CFAP70: variants seen among roughly 807,000 people sequenced by gnomAD.
The protein encoded by CFAP70 is cilia- and flagella-associated protein 70.
A neutral mutation model predicts 137.6 loss-of-function variants in CFAP70; 81 were observed. That is an observed-to-expected ratio of 0.59 (90% CI 0.49 to 0.71). The LOEUF (loss-of-function observed/expected upper bound fraction) is 0.71. Ranked by LOEUF, CFAP70 falls within the 30% of genes least tolerant of loss-of-function variation. The pLI is 0.00. For synonymous variants in CFAP70, 382 were observed against 423.6 expected (o/e 0.90, Z 1.20); for missense variants, 976 against 1,226.7 (o/e 0.80, Z 3.05).
At chr10:73,284,739 C>CCTATATAT in intron 19 of CFAP70, among the ~76,000 whole-genome samples, 1 of 27,502 alleles carries the variant, frequency 3.6e-5, no homozygotes, top group East Asian at 2.9e-3. Context: ...TGACCTGCCA[C>CCTATATAT]ATATATATAT....
intron 9 of CFAP70, among the ~76,000 whole-genome samples, chr10:73,315,046 T>C (rs1007255787): frequency 6.6e-6 from 1 of 151,954 alleles, no homozygotes; most frequent in African/African-American, 2.4e-5. Context: ...AGACTGTCTC[T>C]ACAAAAAAAA....
chr10:73,256,382 T>A, exon 26 of CFAP70: 1 of 1,614,168 alleles, frequency 6.2e-7, no homozygotes, highest in Non-Finnish European at 8.5e-7. Flanking sequence ...GATCATGTAC[T>A]TGTAGGCCTG....
chr10:73,297,281 C>A, intron 14 of CFAP70, 108 bp from the exon 16 acceptor site: 8 of 1,168,502 alleles, frequency 6.8e-6, no homozygotes, highest in Non-Finnish European at 9.3e-6. Context: ...TTTCAGAAAG[C>A]GATTGATTTC....
rs933181196 is a variant in CFAP70, at chr10:73,299,534, T to C, written c.1317+71A>G. 4.0e-6 allele frequency: 5 copies of C among 1,248,078 alleles called. No homozygotes were observed. In the African/African-American group the frequency reaches 6.0e-5, roughly 15 times the overall value. 77.3% of individuals were successfully genotyped at this position (1,248,078 alleles called of 1,614,324 possible). A position where few individuals can be genotyped will look rare whatever the true frequency, so the allele number is the denominator to read the frequency against. On this transcript the variant is annotated intron_variant, in intron 13 of 26. Transcript: ENST00000310715. ...CCCTTCTGGAAGACATATTAAAGAG[T>C]CCATGCAATTAACAAGTGCATGCAC...
intron 12 of CFAP70, among the ~76,000 whole-genome samples, chr10:73,305,052 C>A (rs905706685): frequency 1.3e-5 from 2 of 152,192 alleles, no homozygotes; most frequent in African/African-American, 4.8e-5. Context: ...TCAAAGGTGG[C>A]AGCCTGGATT....
chr10:73,307,933 T>G (rs2049529603), intron 12 of CFAP70, among the ~76,000 whole-genome samples: 1 of 146,970 alleles, frequency 6.8e-6, no homozygotes, highest in Non-Finnish European at 1.5e-5. Flanking sequence ...TTGCCTGAGC[T>G]CAGGAGTTCA....
At position 73,311,953 on chromosome 10, in the gene CFAP70, A is replaced by G. The variant is rs375814281; in HGVS notation, c.1084-39T>C. The G allele has an allele frequency of 2.8e-6, 4 of 1,454,114 alleles. No individual in the cohort carries two copies. The African/African-American group carries it at 5.6e-5, about 20-fold the overall frequency. The allele number at this position is 1,454,114 out of a possible 1,614,324, so 90.1% of individuals were successfully genotyped here. ...AACACACCTCAAAAATTGAATTCCT[A>G]CACAGTCTTCATAGTGACAAGAACA... On this transcript the variant is annotated intron_variant, in intron 10 of 26. Coordinates refer to ENST00000310715, the Ensembl canonical transcript of CFAP70.
At position 73,333,545 on chromosome 10, in the gene CFAP70, G is replaced by C. The variant is rs76596512; in HGVS notation, c.677+1885C>G. Among the ~76,000 whole-genome samples, 1,337 of 152,064 alleles carry C rather than the reference G, an allele frequency of 8.8e-3. 32 individuals carry two copies. Among genetic ancestry groups the C allele is most frequent in the African/African-American group, 0.03 (1,247 of 41,502 alleles). On this transcript the variant is annotated intron_variant, in intron 7 of 26. Transcript: ENST00000310715. ...TTTACCTACAGAAGAACAAGGATTAGAAATACATTGGACTTCTCTTCAGAA... is the reference window on the plus strand; with the variant it reads ...TTTACCTACAGAAGAACAAGGATTACAAATACATTGGACTTCTCTTCAGAA...
intron 6 of CFAP70, among the ~76,000 whole-genome samples, chr10:73,336,036 G>A (rs902198786): frequency 2.0e-5 from 3 of 151,606 alleles, no homozygotes; most frequent in Non-Finnish European, 4.4e-5. Context: ...AGCTACTCAC[G>A]AGGCTGAGGC....
chr10:73,348,274 G>T, intron 4 of CFAP70, 39 bp from the exon 5 acceptor site: 3 of 1,604,268 alleles, frequency 1.9e-6, no homozygotes, highest in Non-Finnish European at 2.6e-6. Flanking sequence ...AGAAGAAAGG[G>T]TTAAGTTGGG....
intron 24 of CFAP70, among the ~76,000 whole-genome samples, chr10:73,271,107 C>T (rs543001999): frequency 3.9e-5 from 6 of 152,276 alleles, no homozygotes; most frequent in African/African-American, 1.4e-4. Context: ...TTGCAATGAG[C>T]TGAGATTGAG....
intron 4 of CFAP70, 30 bp downstream of exon 5, chr10:73,348,126 T>G: frequency 6.3e-7 from 1 of 1,598,490 alleles, no homozygotes; most frequent in Non-Finnish European, 8.6e-7. Context: ...AATGGCAGGC[T>G]GAAATGTTGA....
chr10:73,282,633 T>TC (rs200073081), intron 19 of CFAP70, among the ~76,000 whole-genome samples: 15,968 of 151,932 alleles, frequency 0.11, 1,202 homozygotes, highest in East Asian at 0.3. Flanking sequence ...ACTCCTGACC[T>TC]AGGATGATCT....
intron 9 of CFAP70, among the ~76,000 whole-genome samples, chr10:73,321,987 T>C (rs2050899141): frequency 6.6e-6 from 1 of 152,184 alleles, no homozygotes; most frequent in Non-Finnish European, 1.5e-5. Flanking sequence ...TTTTGCCATG[T>C]TGGCCAGGCT....
In CFAP70 at chr10:73,280,724, CCTT is replaced by C. The variant is rs1219160522; in HGVS notation, c.2240-2390_2240-2388del. Among the ~76,000 whole-genome samples, 3 of 152,128 alleles carry C rather than the reference CCTT, an allele frequency of 2.0e-5. No individual in the cohort carries two copies. In the East Asian group the frequency reaches 5.8e-4, roughly 29 times the overall value. ...TGGCATTAAGTTGTTAATAACTTCT[CCTT>C]ATTAACTTTTTAATATTTATAAGAT... On this transcript the variant is annotated intron_variant, in intron 19 of 26. Coordinates refer to ENST00000310715, the Ensembl canonical transcript of CFAP70.
chr10:73,330,590 T>A (rs2051974800), intron 8 of CFAP70, among the ~76,000 whole-genome samples: 1 of 152,106 alleles, frequency 6.6e-6, no homozygotes, highest in African/African-American at 2.4e-5. Flanking sequence ...AAAGCCTATG[T>A]TTAAAGTCAG....
intron 7 of CFAP70, among the ~76,000 whole-genome samples, chr10:73,332,902 A>G (rs2052262688): frequency 6.6e-6 from 1 of 152,250 alleles, no homozygotes; most frequent in Non-Finnish European, 1.5e-5. Context: ...GGCAAGAAAA[A>G]ATATAGTCCA....
intron 9 of CFAP70, among the ~76,000 whole-genome samples, chr10:73,316,465 T>G (rs983728582): frequency 4.4e-5 from 5 of 114,488 alleles, no homozygotes; most frequent in Admixed American, 1.7e-4. Context: ...TTTGTTGAGA[T>G]ATATATATAT....
chr10:73,329,713 T>G lies in CFAP70; in HGVS notation c.777+1464A>C, dbSNP rs568559236. Among the ~76,000 whole-genome samples, 365 of 152,320 alleles carry G rather than the reference T, an allele frequency of 2.4e-3. 1 individual carries two copies. The highest frequency in any genetic ancestry group is 5.4e-3 in the South Asian group (26 of 4,822). On this transcript the variant is annotated intron_variant, in intron 8 of 26. Coordinates refer to ENST00000310715, the Ensembl canonical transcript of CFAP70. ...CAGAAGCTATGGCTTTTACCTTTAG[T>G]TCACAGACTCATACAAATAAAAGGG...
Sources: gnomAD v4.1 joint callset for allele counts (sites outside exome capture counted in the v4.1 genomes callset) on GRCh38, gnomAD v4.1.1 for gene constraint, MANE v1.5 for transcripts, NCBI Gene and HGNC (gene_info 2026-07-23, HGNC 2026-07-21) for gene names.